Variants in SORCS2 observed in about 807,000 individuals in gnomAD.
The protein encoded by SORCS2 is sortilin related VPS10 domain containing receptor 2, also known as VPS10 domain-containing receptor SorCS2.
SORCS2 carries 100 observed loss-of-function variants against 141.6 expected under a neutral mutation model. The ratio of observed to expected loss-of-function variants is 0.71; its 90% CI spans 0.60 to 0.83. The LOEUF (loss-of-function observed/expected upper bound fraction) is 0.83. SORCS2 is among the 40% of genes least tolerant of loss of function. The pLI, the probability that SORCS2 is intolerant of heterozygous loss-of-function variation, is 0.00. For missense variants in SORCS2, 1,646 were observed against 1,560.2 expected (o/e 1.05, Z -0.93); for synonymous variants, 789 against 676.9 (o/e 1.17, Z -2.57).
chr4:7,215,781 T>A (rs572257173), intron 1 of SORCS2, among the ~76,000 whole-genome samples: 1 of 152,296 alleles, frequency 6.6e-6, no homozygotes, highest in South Asian at 2.1e-4. Flanking sequence ...GGAGAACCTG[T>A]GTGTCGAAAC....
At position 7,603,179 on chromosome 4, in the gene SORCS2, AGAGGGG is replaced by A. The variant is rs566297533; in HGVS notation, c.649-35133_649-35128del. 7.1e-4 allele frequency among the ~76,000 whole-genome samples: 103 copies of A among 145,856 alleles called. No homozygotes were observed. The South Asian group carries it at 0.019, about 27-fold the overall frequency. ...AGAGGGAGAGGGAGACCATGGAAAG[AGAGGGG>A]GAGGGGGAGGGGGAGAGGGAGAGCT... is the stretch of plus-strand genomic sequence containing the variant. On this transcript the variant is annotated intron_variant, in intron 3 of 26. Transcript: ENST00000507866.
intron 11 of SORCS2, among the ~76,000 whole-genome samples, chr4:7,694,545 G>A (rs1010471238): frequency 1.3e-5 from 2 of 152,192 alleles, no homozygotes; most frequent in Non-Finnish European, 2.9e-5. Context: ...AAATTGGCCC[G>A]CGCAGTGTGC....
rs200948890 is a variant in SORCS2 at position 7,434,399 on chromosome 4, C to T, written c.548+38044C>T. 1.5e-4 allele frequency: 243 copies of T among 1,607,830 alleles called. 1 individual carries two copies. The African/African-American group carries it at 2.7e-3, about 18-fold the overall frequency. ...CCATTGGCCATGAACGGAGCCACAG[C>T]CTCAAAGGTGTCCTCTTTGGAGAGT... On this transcript the variant is annotated intron_variant, in intron 2 of 26. Coordinates refer to ENST00000507866, the MANE Select transcript of SORCS2 (RefSeq NM_020777.3).
At chr4:7,702,793 G>A (rs1213493259) in intron 12 of SORCS2, among the ~76,000 whole-genome samples, 1 of 152,264 alleles carries the variant, frequency 6.6e-6, no homozygotes, top group Non-Finnish European at 1.5e-5. Flanking sequence ...GATGAGCATA[G>A]TAAGTGTTGG....
chr4:7,429,155 G>T (rs1726655363), intron 2 of SORCS2, among the ~76,000 whole-genome samples: 1 of 152,168 alleles, frequency 6.6e-6, no homozygotes, highest in Admixed American at 6.5e-5. Flanking sequence ...TGTGCATGGG[G>T]TTGGGCCGGC....
intron 9 of SORCS2, among the ~76,000 whole-genome samples, chr4:7,676,909 TCTCTCC>T (rs1560475895): frequency 2.1e-4 from 5 of 23,958 alleles, no homozygotes; most frequent in South Asian, 1.4e-3. Context: ...TCTCTCTCCC[TCTCTCC>T]CTCTCTCCCT....
intron 3 of SORCS2, among the ~76,000 whole-genome samples, chr4:7,587,396 C>G (rs1395757216): frequency 6.6e-6 from 1 of 152,216 alleles, no homozygotes; most frequent in Non-Finnish European, 1.5e-5. Flanking sequence ...TTCATTGACC[C>G]TCACACACCT....
chr4:7,226,541 C>T (rs1014589858), intron 1 of SORCS2, among the ~76,000 whole-genome samples: 17 of 152,196 alleles, frequency 1.1e-4, no homozygotes, highest in African/African-American at 3.4e-4. Flanking sequence ...GAACAGGCGG[C>T]GGGCAGAGGG....
Position 7,695,922 on chromosome 4 carries a change from GGATT to G in SORCS2, c.1592-1274_1592-1271del, listed in dbSNP as rs1337212371. ...TGGATGGATGGATGGATGGATGGAT[GGATT>G]GGTGGGTGGGTGGGTGGATGGATGG... is the stretch of plus-strand genomic sequence containing the variant. On this transcript the variant is annotated intron_variant, in intron 11 of 26. Coordinates refer to ENST00000507866, the MANE Select transcript of SORCS2 (RefSeq NM_020777.3). Among the ~76,000 whole-genome samples the G allele has an allele frequency of 1.9e-3, 177 of 93,496 alleles. 3 individuals carry two copies. The highest frequency in any genetic ancestry group is 2.9e-3 in the African/African-American group (73 of 25,312). The allele number at this position is 93,496 out of a possible 152,430, so 61.3% of individuals were successfully genotyped here.
intron 2 of SORCS2, among the ~76,000 whole-genome samples, chr4:7,489,530 G>A (rs984909327): frequency 5.3e-5 from 8 of 151,856 alleles, no homozygotes; most frequent in Admixed American, 3.3e-4. Flanking sequence ...AACTGTCCCC[G>A]GCCCTCCTGG....
intron 3 of SORCS2, among the ~76,000 whole-genome samples, chr4:7,572,345 C>T (rs1715459489): frequency 1.3e-5 from 2 of 152,154 alleles, no homozygotes; most frequent in Non-Finnish European, 2.9e-5. Context: ...TGTAAACATA[C>T]ACACAGTTTA....
Position 7,434,491 on chromosome 4 carries a change from G to T in SORCS2, c.548+38136G>T, listed in dbSNP as rs559219098. The T allele has an allele frequency of 4.3e-6, 7 of 1,611,758 alleles. No homozygotes were observed. The East Asian group carries it at 8.9e-5, about 21-fold the overall frequency. On this transcript the variant is annotated intron_variant, in intron 2 of 26. Coordinates refer to ENST00000507866, the MANE Select transcript of SORCS2 (RefSeq NM_020777.3). ...GCTGAGCGCTGTGCACACCTGTGCC[G>T]GGGCACTGTCCGGGGCCCCACGGAG...
At chr4:7,455,393 T>C (rs1194361470) in intron 2 of SORCS2, among the ~76,000 whole-genome samples, 3 of 93,614 alleles carry the variant, frequency 3.2e-5, no homozygotes, top group African/African-American at 4.3e-5. Context: ...TGGGGTCAGG[T>C]GCTGTGTTGG....
chr4:7,631,047 CTTTTTT>C (rs11356756), intron 3 of SORCS2, among the ~76,000 whole-genome samples: 3 of 131,386 alleles, frequency 2.3e-5, no homozygotes, highest in Non-Finnish European at 3.2e-5. Flanking sequence ...TTTTCCTTTT[CTTTTTT>C]TTTTTTTTTT....
intron 1 of SORCS2, among the ~76,000 whole-genome samples, chr4:7,382,756 C>T (rs2109073218): frequency 6.6e-6 from 1 of 151,648 alleles, no homozygotes; most frequent in South Asian, 2.1e-4. Context: ...GGGGGCAGGG[C>T]TGGGGCTGTC....
chr4:7,657,324 AGTGAATGAGTAG>A (rs1205841722), intron 5 of SORCS2, among the ~76,000 whole-genome samples: 1 of 152,166 alleles, frequency 6.6e-6, no homozygotes, highest in Non-Finnish European at 1.5e-5. Context: ...TGAATAAATG[AGTGAATGAGTAG>A]GTGAGTGAGT....
At chr4:7,694,143 G>A (rs899051957) in intron 11 of SORCS2, among the ~76,000 whole-genome samples, 2 of 152,252 alleles carry the variant, frequency 1.3e-5, no homozygotes, top group African/African-American at 4.8e-5. Flanking sequence ...AGGGGCAGAG[G>A]AAGGATGGAG....
chr4:7,700,595 A>G (rs1244870266), intron 12 of SORCS2, among the ~76,000 whole-genome samples: 2 of 152,246 alleles, frequency 1.3e-5, no homozygotes, highest in African/African-American at 2.4e-5. Context: ...TCCCTTGTCC[A>G]GGAAACAATT....
At chr4:7,456,910 G>C (rs1728948340) in intron 2 of SORCS2, among the ~76,000 whole-genome samples, 1 of 151,570 alleles carries the variant, frequency 6.6e-6, no homozygotes, top group Non-Finnish European at 1.5e-5. Context: ...AGGCTTCACT[G>C]CTCCACGCTC....
Sources: gnomAD v4.1 joint callset for allele counts (sites outside exome capture counted in the v4.1 genomes callset) on GRCh38, gnomAD v4.1.1 for gene constraint, MANE v1.5 for transcripts, NCBI Gene and HGNC (gene_info 2026-07-23, HGNC 2026-07-21) for gene names.